The following IL13RA1 variants were observed in gnomAD, a reference collection of about 807,000 sequenced individuals.
The protein encoded by IL13RA1 is interleukin 13 receptor subunit alpha 1, also known as interleukin-13 receptor subunit alpha-1.
In IL13RA1, 14 loss-of-function variants were observed where a neutral mutation model predicts 33.8. That is an observed-to-expected ratio of 0.41 (90% CI 0.27 to 0.65). The LOEUF (loss-of-function observed/expected upper bound fraction) is 0.65. Ranked by LOEUF, IL13RA1 falls within the 30% of genes least tolerant of loss-of-function variation. The pLI is 0.28. For synonymous variants in IL13RA1, 116 were observed against 115.7 expected, an observed-to-expected ratio of 1.00 and a Z score of -0.02; for missense variants, 313 against 327.0, an observed-to-expected ratio of 0.96 and a Z score of 0.33.
At chrX:118,771,390 A>C (rs1166241004) in intron 8 of IL13RA1, among the ~76,000 whole-genome samples, 1 of 112,467 alleles carries the variant, frequency 8.9e-6, no homozygotes, top group African/African-American at 3.2e-5. Flanking sequence ...ATATTTGTTA[A>C]ATATGCAGAT....
At chrX:118,736,691 C>T (rs375221609) in intron 1 of IL13RA1, among the ~76,000 whole-genome samples, 9 of 112,168 alleles carry the variant, frequency 8.0e-5, no homozygotes, top group Non-Finnish European at 1.1e-4. Flanking sequence ...ACTGTAACCT[C>T]GAATCCCTGG....
At chrX:118,744,073 G>C (rs2017376783) in intron 2 of IL13RA1, among the ~76,000 whole-genome samples, 1 of 110,593 alleles carries the variant, frequency 9.0e-6, no homozygotes, top group Non-Finnish European at 1.9e-5. Context: ...TTGAACCCAG[G>C]AGGCAGTGGT....
chrX:118,733,141 A>G lies in IL13RA1; in HGVS notation c.88+5415A>G, dbSNP rs183188294. Among the ~76,000 whole-genome samples the G allele has an allele frequency of 3.1e-3, 346 of 111,866 alleles. 1 individual carries two copies. The highest frequency in any genetic ancestry group is 5.1e-3 in the Non-Finnish European group (271 of 53,082). ...AATATCTCTTTGAGACCTTGTTTTCACTTCTTTTGGGTATATACCCAGAAA... is the reference window on the plus strand; with the variant it reads ...AATATCTCTTTGAGACCTTGTTTTCGCTTCTTTTGGGTATATACCCAGAAA... On this transcript the variant is annotated intron_variant, in intron 1 of 10. Coordinates refer to ENST00000371666, the MANE Select transcript of IL13RA1 (RefSeq NM_001560.3).
At chrX:118,740,093 A>G (rs2017325527) in intron 1 of IL13RA1, among the ~76,000 whole-genome samples, 1 of 111,939 alleles carries the variant, frequency 8.9e-6, no homozygotes. Context: ...GCCCCCCAGT[A>G]CCTGGGACTA....
Position 118,791,398 on chromosome X carries a change from G to A in IL13RA1, c.1192-364G>A, listed in dbSNP as rs757128671. ...GAGCAATGAGCATTAAGAAAATAAA[G>A]GTAATAAAGGTCTCAGCAAAACAGT... On this transcript the variant is annotated intron_variant, in intron 10 of 10. Coordinates refer to ENST00000371666, the MANE Select transcript of IL13RA1 (RefSeq NM_001560.3). 4.5e-5 allele frequency among the ~76,000 whole-genome samples: 5 copies of A among 111,262 alleles called. No individual in the cohort carries two copies. In the South Asian group the frequency reaches 1.9e-3, roughly 43 times the overall value.
rs761254990 is a variant in IL13RA1, at chrX:118,774,981, CA to C, written c.1106+1007del. On this transcript the variant is annotated intron_variant, in intron 9 of 10. Coordinates refer to ENST00000371666, the MANE Select transcript of IL13RA1 (RefSeq NM_001560.3). Reference sequence around the variant, plus strand: ...ACAGCAGTGAACAGGACAAAGTCCTCATCTACATTCTAGAGGGAAAGATACA... The same window carrying C: ...ACAGCAGTGAACAGGACAAAGTCCTCTCTACATTCTAGAGGGAAAGATACA... Among the ~76,000 whole-genome samples the C allele has an allele frequency of 2.7e-5, 3 of 111,466 alleles. No individual in the cohort carries two copies. In the South Asian group the frequency reaches 1.1e-3, roughly 42 times the overall value.
chrX:118,772,276 T>TGC (rs2017731421), intron 8 of IL13RA1, among the ~76,000 whole-genome samples: 1 of 112,189 alleles, frequency 8.9e-6, no homozygotes, highest in Non-Finnish European at 1.9e-5. Flanking sequence ...GGTGTGTGCG[T>TGC]GCGCACACGT....
the IL13RA1 span, among the ~76,000 whole-genome samples, chrX:118,801,685 G>A: frequency 8.9e-6 from 1 of 112,558 alleles, no homozygotes; most frequent in Admixed American, 9.4e-5. Flanking sequence ...GAAATAAAAT[G>A]TAAAATGCTT....
At chrX:118,804,015 G>A in the IL13RA1 span, among the ~76,000 whole-genome samples, 1 of 100,690 alleles carries the variant, frequency 9.9e-6, no homozygotes, top group East Asian at 3.0e-4. Flanking sequence ...GGAGTGCAAT[G>A]GTGCGATCTC....
intron 8 of IL13RA1, among the ~76,000 whole-genome samples, chrX:118,768,647 C>T (rs1014502477): frequency 9.0e-6 from 1 of 111,557 alleles, no homozygotes; most frequent in Admixed American, 9.5e-5. Context: ...GACAGTTAAT[C>T]TAATGACTAG....
At chrX:118,759,708 G>T (rs1325954166) in intron 5 of IL13RA1, among the ~76,000 whole-genome samples, 2 of 112,276 alleles carry the variant, frequency 1.8e-5, no homozygotes, top group African/African-American at 6.5e-5. Flanking sequence ...ATCTTCTATT[G>T]CTTGGTCTTA....
intron 10 of IL13RA1, among the ~76,000 whole-genome samples, chrX:118,782,657 G>T (rs1378716414): frequency 9.1e-6 from 1 of 109,599 alleles, no homozygotes; most frequent in African/African-American, 3.3e-5. Context: ...GAATATAGTG[G>T]TGCAAACATG....
the IL13RA1 span, among the ~76,000 whole-genome samples, chrX:118,800,313 T>C: frequency 9.1e-6 from 1 of 110,426 alleles, no homozygotes; most frequent in African/African-American, 3.3e-5. Context: ...TGCAATATCT[T>C]GCTACTGCTC....
downstream of IL13RA1, among the ~76,000 whole-genome samples, chrX:118,798,098 T>C (rs761044137): frequency 8.9e-6 from 1 of 112,325 alleles, no homozygotes; most frequent in African/African-American, 3.2e-5. Flanking sequence ...TTCTTTAGAT[T>C]TAGAAATGAT....
chrX:118,786,963 G>T (rs1032713710), intron 10 of IL13RA1, among the ~76,000 whole-genome samples: 2 of 112,193 alleles, frequency 1.8e-5, no homozygotes, highest in Non-Finnish European at 3.8e-5. Flanking sequence ...TCTATAGGAT[G>T]CCATGTTGAG....
intron 8 of IL13RA1, among the ~76,000 whole-genome samples, chrX:118,769,373 C>T (rs1282983921): frequency 8.9e-6 from 1 of 112,504 alleles, no homozygotes; most frequent in East Asian, 2.8e-4. Flanking sequence ...AATTTGAGGC[C>T]TGATGCCATT....
chrX:118,787,239 T>TCCAG (rs1284348108), intron 10 of IL13RA1, among the ~76,000 whole-genome samples: 8 of 111,533 alleles, frequency 7.2e-5, no homozygotes, highest in African/African-American at 2.6e-4. Flanking sequence ...GAGAGAAATT[T>TCCAG]TAAAGCTGGA....
chrX:118,802,230 G>GA, the IL13RA1 span, among the ~76,000 whole-genome samples: 2 of 112,266 alleles, frequency 1.8e-5, no homozygotes, highest in Non-Finnish European at 3.8e-5. Context: ...AGGAGGCCTG[G>GA]ATTCTCTGTA....
chrX:118,747,854 C>T (rs761845878), intron 3 of IL13RA1, among the ~76,000 whole-genome samples: 57 of 109,947 alleles, frequency 5.2e-4, no homozygotes, highest in Non-Finnish European at 1.0e-3. Flanking sequence ...AGCTGTGTAA[C>T]CTTGGGCAAA....
Sources: allele counts gnomAD v4.1 joint callset (sites outside exome capture counted in the v4.1 genomes callset), GRCh38; gene constraint gnomAD v4.1.1; transcripts MANE v1.5; gene names NCBI Gene and HGNC (gene_info 2026-07-23, HGNC 2026-07-21).